The following KAZN variants were observed in gnomAD, a reference collection of about 807,000 sequenced individuals.
The protein encoded by KAZN is kazrin.
In KAZN, 40 loss-of-function variants were observed where a neutral mutation model predicts 87.4. The observed-to-expected ratio is 0.46, with a 90% CI of 0.36 to 0.60. The LOEUF is 0.60. Among genes scored for constraint, KAZN ranks in the 20% least tolerant of loss-of-function variants. The pLI is 0.00. For missense variants in KAZN, 898 were observed against 1,073.9 expected, an observed-to-expected ratio of 0.84 and a Z score of 2.29; for synonymous variants, 466 against 458.3, an observed-to-expected ratio of 1.02 and a Z score of -0.22.
chr1:15,017,974 T>C (rs1670294597), intron 2 of KAZN, among the ~76,000 whole-genome samples: 1 of 152,218 alleles, frequency 6.6e-6, no homozygotes, highest in South Asian at 2.1e-4. Flanking sequence ...ACTAACTTAT[T>C]GATCTTTCCC....
intron 2 of KAZN, among the ~76,000 whole-genome samples, chr1:14,265,433 C>A (rs981705174): frequency 1.3e-5 from 2 of 152,164 alleles, no homozygotes; most frequent in South Asian, 2.1e-4. Flanking sequence ...GGTAAGGGAC[C>A]ACTTCAAGGT....
At chr1:13,916,425 G>A (rs1258684854) in intron 1 of KAZN, among the ~76,000 whole-genome samples, 1 of 152,040 alleles carries the variant, frequency 6.6e-6, no homozygotes, top group Non-Finnish European at 1.5e-5. Context: ...TAGCCTGCCT[G>A]GTATTTCTGA....
intron 1 of KAZN, among the ~76,000 whole-genome samples, chr1:14,701,176 G>T (rs1439954704): frequency 6.6e-6 from 1 of 152,170 alleles, no homozygotes; most frequent in Non-Finnish European, 1.5e-5. Flanking sequence ...CAGTGCAATG[G>T]CATGCTCACA....
intron 1 of KAZN, among the ~76,000 whole-genome samples, chr1:14,837,762 C>G (rs1647443519): frequency 6.6e-6 from 1 of 151,276 alleles, no homozygotes; most frequent in Non-Finnish European, 1.5e-5. Flanking sequence ...AGCCTGTTGC[C>G]CTGGCTGGTC....
intron 1 of KAZN, among the ~76,000 whole-genome samples, chr1:14,653,563 G>T (rs927409435): frequency 3.9e-5 from 6 of 152,144 alleles, no homozygotes; most frequent in African/African-American, 1.4e-4. Flanking sequence ...TTTTAAATGT[G>T]TATAACTCAT....
In KAZN at chr1:14,759,688, G is replaced by A. The variant is rs529194889; in HGVS notation, c.226+160465G>A. Among the ~76,000 whole-genome samples, 31 of 152,264 alleles carry A rather than the reference G, an allele frequency of 2.0e-4. No homozygotes were observed. In the South Asian group the frequency reaches 6.2e-3, roughly 31 times the overall value. On this transcript the variant is annotated intron_variant, in intron 1 of 14. Coordinates refer to ENST00000376030, the MANE Select transcript of KAZN (RefSeq NM_201628.3). Reference sequence around the variant, plus strand: ...GGCAGGAGGAAGGAGGGGTTTGCTAGGAAAGAGCAGAGGATGCGATCTGGA... The same window carrying A: ...GGCAGGAGGAAGGAGGGGTTTGCTAAGAAAGAGCAGAGGATGCGATCTGGA...
intron 1 of KAZN, among the ~76,000 whole-genome samples, chr1:14,614,555 T>A (rs1346980307): frequency 6.6e-6 from 1 of 152,224 alleles, no homozygotes; most frequent in Non-Finnish European, 1.5e-5. Context: ...CTGCTGGGCC[T>A]GCTGGCAAAG....
chr1:14,957,728 G>A (rs759259909), intron 1 of KAZN, among the ~76,000 whole-genome samples: 20 of 152,214 alleles, frequency 1.3e-4, no homozygotes, highest in Non-Finnish European at 2.8e-4. Context: ...AGGCCCTGAG[G>A]TGTGGCGAGT....
intron 1 of KAZN, among the ~76,000 whole-genome samples, chr1:14,942,328 T>C (rs1661192122): frequency 6.6e-6 from 1 of 152,040 alleles, no homozygotes; most frequent in Non-Finnish European, 1.5e-5. Flanking sequence ...GGGATATATA[T>C]GGTTTGAGGT....
At chr1:14,524,146 C>T (rs765541606) in intron 2 of KAZN, among the ~76,000 whole-genome samples, 1 of 151,976 alleles carries the variant, frequency 6.6e-6, no homozygotes, top group East Asian at 1.9e-4. Flanking sequence ...TTCAGCCTCC[C>T]GAGTAGCTGG....
intron 2 of KAZN, among the ~76,000 whole-genome samples, chr1:14,519,019 G>T (rs918376400): frequency 6.6e-6 from 1 of 152,058 alleles, no homozygotes; most frequent in East Asian, 1.9e-4. Flanking sequence ...TGCCTTCTTT[G>T]GGCCACCATT....
chr1:14,393,014 A>G (rs1035860889), intron 2 of KAZN, among the ~76,000 whole-genome samples: 8 of 152,172 alleles, frequency 5.3e-5, no homozygotes, highest in Non-Finnish European at 1.2e-4. Context: ...AGTCAAGCGC[A>G]AGGGAAAGAC....
intron 2 of KAZN, among the ~76,000 whole-genome samples, chr1:14,400,129 C>T (rs1352810228): frequency 6.6e-6 from 1 of 152,106 alleles, no homozygotes; most frequent in African/African-American, 2.4e-5. Context: ...CTTCTATCCT[C>T]CAGGGATACC....
chr1:14,386,016 T>A (rs1347610340), intron 2 of KAZN, among the ~76,000 whole-genome samples: 5 of 151,844 alleles, frequency 3.3e-5, no homozygotes, highest in Middle Eastern at 3.4e-3. Context: ...GTACATATAT[T>A]TTTAGGATAG....
At chr1:14,608,624 G>A (rs1464589434) in intron 1 of KAZN, among the ~76,000 whole-genome samples, 6 of 152,188 alleles carry the variant, frequency 3.9e-5, no homozygotes, top group Non-Finnish European at 7.3e-5. Flanking sequence ...GAAAGAGCGC[G>A]TCTTAAGGAG....
At chr1:14,883,156 G>A (rs1213496850) in intron 1 of KAZN, among the ~76,000 whole-genome samples, 7 of 151,646 alleles carry the variant, frequency 4.6e-5, no homozygotes, top group African/African-American at 1.5e-4. Flanking sequence ...TTAGCTGGGC[G>A]TGATGGCACA....
intron 2 of KAZN, among the ~76,000 whole-genome samples, chr1:14,443,406 C>T (rs927752398): frequency 1.3e-5 from 2 of 152,194 alleles, no homozygotes; most frequent in East Asian, 1.9e-4. Flanking sequence ...ACACGAGACA[C>T]ATCCAGAGAT....
intron 1 of KAZN, among the ~76,000 whole-genome samples, chr1:14,952,545 G>C (rs1662623567): frequency 6.6e-6 from 1 of 151,992 alleles, no homozygotes; most frequent in African/African-American, 2.4e-5. Flanking sequence ...CAGCTCTTTA[G>C]TGTACAGTTT....
At chr1:14,348,771 C>T (rs1222408289) in intron 2 of KAZN, among the ~76,000 whole-genome samples, 1 of 152,176 alleles carries the variant, frequency 6.6e-6, no homozygotes, top group Non-Finnish European at 1.5e-5. Context: ...TGGTCTTGTA[C>T]AATTTTCTCA....
Sources: gnomAD v4.1 joint callset for allele counts (sites outside exome capture counted in the v4.1 genomes callset) on GRCh38, gnomAD v4.1.1 for gene constraint, MANE v1.5 for transcripts, NCBI Gene and HGNC (gene_info 2026-07-23, HGNC 2026-07-21) for gene names.